Variants in GRID2 observed in about 807,000 individuals in gnomAD.
The protein encoded by GRID2 is glutamate receptor ionotropic, delta-2.
Under a neutral mutation model 114.8 loss-of-function variants are expected in GRID2, and 33 were observed. That is an observed-to-expected ratio of 0.29 (90% CI 0.22 to 0.38). The LOEUF (loss-of-function observed/expected upper bound fraction) is 0.38. Ranked by LOEUF, GRID2 falls within the 10% of genes least tolerant of loss-of-function variation. The pLI, the probability that GRID2 is intolerant of heterozygous loss-of-function variation, is 1.00. For missense variants in GRID2, 1,184 were observed against 1,257.7 expected (o/e 0.94, Z 0.89); for synonymous variants, 505 against 449.9 (o/e 1.12, Z -1.55).
At chr4:92,730,616 T>A (rs965596502) in intron 2 of GRID2, among the ~76,000 whole-genome samples, 4 of 151,970 alleles carry the variant, frequency 2.6e-5, no homozygotes, top group Non-Finnish European at 5.9e-5. Context: ...AAGGTTTGCA[T>A]CTAGAAGAGA....
At chr4:92,954,732 AT>A (rs1347025304) in intron 2 of GRID2, among the ~76,000 whole-genome samples, 1 of 141,130 alleles carries the variant, frequency 7.1e-6, no homozygotes, top group Non-Finnish European at 1.5e-5. Flanking sequence ...GTCATCTAGC[AT>A]TAGGTATATC....
intron 2 of GRID2, among the ~76,000 whole-genome samples, chr4:92,738,101 T>A (rs779503517): frequency 2.6e-5 from 4 of 152,200 alleles, no homozygotes; most frequent in African/African-American, 9.6e-5. Context: ...TTCCTGACTT[T>A]TTAATGATCG....
intron 4 of GRID2, among the ~76,000 whole-genome samples, chr4:93,122,889 G>GTTTTTTTT (rs1733912110): frequency 1.8e-5 from 1 of 56,926 alleles, no homozygotes; most frequent in African/African-American, 9.0e-5. Context: ...CACAGATGTG[G>GTTTTTTTT]GTTTTTTTTT....
intron 2 of GRID2, among the ~76,000 whole-genome samples, chr4:92,980,542 C>G (rs1224095349): frequency 6.6e-6 from 1 of 151,886 alleles, no homozygotes; most frequent in South Asian, 2.1e-4. Context: ...GAATATGCAT[C>G]CCTTATATAT....
intron 4 of GRID2, among the ~76,000 whole-genome samples, chr4:93,170,828 G>A (rs1738739790): frequency 6.6e-6 from 1 of 151,180 alleles, no homozygotes; most frequent in Admixed American, 6.6e-5. Context: ...TTTCAATGAC[G>A]ATTTTCCTTA....
At chr4:92,932,245 C>A (rs1430957273) in intron 2 of GRID2, among the ~76,000 whole-genome samples, 1 of 151,160 alleles carries the variant, frequency 6.6e-6, no homozygotes, top group East Asian at 1.9e-4. Flanking sequence ...AAAAAATGGT[C>A]AAAAGACTTG....
intron 1 of GRID2, among the ~76,000 whole-genome samples, chr4:92,538,846 T>G (rs1393940744): frequency 6.6e-6 from 1 of 152,000 alleles, no homozygotes; most frequent in Non-Finnish European, 1.5e-5. Context: ...ATCAAGACCA[T>G]CCTGGCTAAC....
At chr4:92,951,745 C>A (rs1459607693) in intron 2 of GRID2, among the ~76,000 whole-genome samples, 3 of 152,134 alleles carry the variant, frequency 2.0e-5, no homozygotes, top group Non-Finnish European at 4.4e-5. Context: ...AATTCCTCTT[C>A]CAAAATTGGT....
At chr4:93,650,919 T>C (rs1249099686) in intron 14 of GRID2, among the ~76,000 whole-genome samples, 2 of 147,862 alleles carry the variant, frequency 1.4e-5, no homozygotes, top group Non-Finnish European at 3.0e-5. Flanking sequence ...CAAAAAAAAA[T>C]TCATTCTGAA....
intron 1 of GRID2, among the ~76,000 whole-genome samples, chr4:92,581,451 G>A (rs1728182011): frequency 6.6e-6 from 1 of 151,948 alleles, no homozygotes; most frequent in Non-Finnish European, 1.5e-5. Flanking sequence ...CATACTTCTG[G>A]AAGACACACA....
intron 8 of GRID2, among the ~76,000 whole-genome samples, chr4:93,324,452 G>C (rs185658024): frequency 1.1e-4 from 16 of 152,100 alleles, no homozygotes; most frequent in Non-Finnish European, 2.9e-5. Flanking sequence ...ATTTTATTGA[G>C]GATTTTCAAA....
At chr4:93,016,946 A>T (rs1722807182) in intron 2 of GRID2, among the ~76,000 whole-genome samples, 1 of 152,164 alleles carries the variant, frequency 6.6e-6, no homozygotes, top group Non-Finnish European at 1.5e-5. Flanking sequence ...CTCTTCTATG[A>T]TGCTTCTGTC....
intron 13 of GRID2, among the ~76,000 whole-genome samples, chr4:93,552,602 G>C (rs1733872569): frequency 6.6e-6 from 1 of 152,094 alleles, no homozygotes; most frequent in Admixed American, 6.5e-5. Context: ...TCTCATTGTG[G>C]TTTTTATTTG....
intron 1 of GRID2, among the ~76,000 whole-genome samples, chr4:92,578,275 C>A (rs1453190015): frequency 2.9e-5 from 3 of 103,428 alleles, no homozygotes; most frequent in South Asian, 4.8e-4. Context: ...CCCCTCCCCC[C>A]ACCCCACAAC....
At chr4:93,468,974 T>C (rs2149431484) in intron 11 of GRID2, among the ~76,000 whole-genome samples, 1 of 152,258 alleles carries the variant, frequency 6.6e-6, no homozygotes, top group East Asian at 1.9e-4. Context: ...CCAGCCATCG[T>C]ACATTTTAAA....
At chr4:92,844,575 T>C (rs1743155686) in intron 2 of GRID2, among the ~76,000 whole-genome samples, 1 of 151,630 alleles carries the variant, frequency 6.6e-6, no homozygotes, top group Admixed American at 6.6e-5. Context: ...TAAATACCTA[T>C]ATGTGAATGG....
At chr4:93,470,062 T>G (rs1724655011) in intron 11 of GRID2, among the ~76,000 whole-genome samples, 1 of 152,144 alleles carries the variant, frequency 6.6e-6, no homozygotes, top group Admixed American at 6.5e-5. Flanking sequence ...AAATGCTGAC[T>G]TAAATTAGGT....
intron 5 of GRID2, 88 bp downstream of exon 5, chr4:93,207,545 C>A: frequency 1.2e-6 from 1 of 800,504 alleles, no homozygotes; most frequent in Non-Finnish European, 2.1e-6. Context: ...AATTTTTAAG[C>A]GGAAACAAAA....
chr4:92,665,290 A>AC (rs1205073318), intron 2 of GRID2, among the ~76,000 whole-genome samples: 18 of 147,346 alleles, frequency 1.2e-4, no homozygotes, highest in East Asian at 7.9e-4. Context: ...TTCAATAACA[A>AC]AAAAAAAAAA....
Sources: allele counts gnomAD v4.1 joint callset (sites outside exome capture counted in the v4.1 genomes callset), GRCh38; gene constraint gnomAD v4.1.1; transcripts MANE v1.5; gene names NCBI Gene and HGNC (gene_info 2026-07-23, HGNC 2026-07-21).